The following CCDC178 variants were observed in gnomAD, a reference collection of about 807,000 sequenced individuals.
CCDC178 encodes coiled-coil domain-containing protein 178.
A neutral mutation model predicts 117.4 loss-of-function variants in CCDC178; 126 were observed. The observed-to-expected ratio is 1.07, with a 90% confidence interval of 0.93 to 1.24. The LOEUF is 1.24. Ranked by LOEUF, CCDC178 falls within the 50% of genes most tolerant of loss-of-function variation. The pLI is 0.00. For missense variants in CCDC178, 1,030 were observed against 986.9 expected (o/e 1.04, Z -0.59); for synonymous variants, 283 against 313.4 (o/e 0.90, Z 1.02).
chr18:33,125,375 G>A, intron 20 of CCDC178, among the ~76,000 whole-genome samples: 1 of 152,096 alleles, frequency 6.6e-6, no homozygotes, highest in East Asian at 1.9e-4. Context: ...TAGATTTCCA[G>A]AAGAAGAGTA....
intron 4 of CCDC178, among the ~76,000 whole-genome samples, chr18:33,392,021 G>T (rs898850073): frequency 2.6e-5 from 4 of 151,938 alleles, no homozygotes; most frequent in African/African-American, 7.3e-5. Flanking sequence ...GCGCCACCAT[G>T]CCTGGCTAAT....
chr18:33,334,782 G>A lies in CCDC178; in HGVS notation c.659-1388C>T, dbSNP rs562669497. ...TTTGAAATTGCATATTAAGCCCCAC[G>A]GCCCTATGTATATATTTATTTATTT... On this transcript the variant is annotated intron_variant, in intron 9 of 22. Coordinates refer to ENST00000383096, the MANE Select transcript of CCDC178 (RefSeq NM_001105528.4). 5.3e-5 allele frequency among the ~76,000 whole-genome samples: 8 copies of A among 151,918 alleles called. No individual in the cohort carries two copies. In the South Asian group the frequency reaches 1.2e-3, roughly 24 times the overall value.
chr18:33,214,696 A>G (rs568271141), intron 19 of CCDC178, among the ~76,000 whole-genome samples: 2 of 152,186 alleles, frequency 1.3e-5, no homozygotes, highest in Non-Finnish European at 2.9e-5. Context: ...TTTTTCAGAT[A>G]AAGCTGAATT....
At chr18:33,316,621 T>TCG (rs796623081) in intron 11 of CCDC178, among the ~76,000 whole-genome samples, 17 of 152,270 alleles carry the variant, frequency 1.1e-4, no homozygotes, top group African/African-American at 4.1e-4. Context: ...GCTGGGCTCC[T>TCG]GAGTCTAGTG....
At chr18:33,294,364 T>C (rs1315997634) in intron 11 of CCDC178, among the ~76,000 whole-genome samples, 1 of 152,142 alleles carries the variant, frequency 6.6e-6, no homozygotes, top group Non-Finnish European at 1.5e-5. Flanking sequence ...GACTAGGAGA[T>C]TTATTTGAAA....
At chr18:33,183,992 C>G (rs1360123888) in intron 20 of CCDC178, among the ~76,000 whole-genome samples, 2 of 152,058 alleles carry the variant, frequency 1.3e-5, no homozygotes, top group African/African-American at 4.8e-5. Flanking sequence ...TATGTTTACT[C>G]TAGCCCAGAA....
intron 22 of CCDC178, among the ~76,000 whole-genome samples, chr18:32,968,493 G>T (rs913139375): frequency 9.9e-5 from 15 of 152,028 alleles, no homozygotes; most frequent in African/African-American, 3.6e-4. Flanking sequence ...TTGACACAGT[G>T]GTTTCATTTC....
chr18:33,281,150 A>G (rs939451367), intron 12 of CCDC178, among the ~76,000 whole-genome samples: 1 of 151,782 alleles, frequency 6.6e-6, no homozygotes, highest in African/African-American at 2.4e-5. Context: ...ATAAAATTAA[A>G]ATGGATAGAT....
chr18:33,305,094 T>C (rs2062230040), intron 11 of CCDC178, among the ~76,000 whole-genome samples: 1 of 152,156 alleles, frequency 6.6e-6, no homozygotes, highest in African/African-American at 2.4e-5. Flanking sequence ...ACCCCATCTG[T>C]TGAAGGATTA....
At chr18:33,373,053 C>T (rs1471879134) in intron 5 of CCDC178, among the ~76,000 whole-genome samples, 1 of 152,128 alleles carries the variant, frequency 6.6e-6, no homozygotes, top group Non-Finnish European at 1.5e-5. Flanking sequence ...AATAATTTGT[C>T]CTCCATGCAA....
intron 20 of CCDC178, among the ~76,000 whole-genome samples, chr18:33,195,703 T>G (rs2058922229): frequency 1.3e-5 from 2 of 152,198 alleles, no homozygotes. Context: ...TATCTGCTAT[T>G]ATGATTGATC....
chr18:33,101,159 T>C (rs1165904201), intron 20 of CCDC178, among the ~76,000 whole-genome samples: 1 of 151,704 alleles, frequency 6.6e-6, no homozygotes, highest in East Asian at 1.9e-4. Context: ...TTTTTTCTGA[T>C]ATCAAGAGTG....
chr18:33,022,373 T>C (rs2056139964), intron 21 of CCDC178, among the ~76,000 whole-genome samples: 1 of 152,210 alleles, frequency 6.6e-6, no homozygotes, highest in Non-Finnish European at 1.5e-5. Flanking sequence ...TTGAGTTTTC[T>C]AAATTATATT....
At chr18:32,944,668 A>G (rs1407005989) in intron 22 of CCDC178, among the ~76,000 whole-genome samples, 1 of 152,210 alleles carries the variant, frequency 6.6e-6, no homozygotes, top group African/African-American at 2.4e-5. Context: ...AACTTGAAAC[A>G]AAAATAGCGA....
chr18:33,416,634 T>C (rs967393841), intron 2 of CCDC178, among the ~76,000 whole-genome samples: 2 of 152,076 alleles, frequency 1.3e-5, no homozygotes, highest in East Asian at 1.9e-4. Flanking sequence ...CAGCACCTCA[T>C]GATCATTTGG....
chr18:33,236,123 A>C (rs1439393236), intron 15 of CCDC178, among the ~76,000 whole-genome samples: 1 of 152,212 alleles, frequency 6.6e-6, no homozygotes, highest in Non-Finnish European at 1.5e-5. Context: ...GAGTTTCAAA[A>C]GCCTATTTCT....
At chr18:32,989,688 A>G (rs1412631680) in intron 21 of CCDC178, among the ~76,000 whole-genome samples, 1 of 152,172 alleles carries the variant, frequency 6.6e-6, no homozygotes, top group Non-Finnish European at 1.5e-5. Flanking sequence ...CAAACCATTT[A>G]ATAATATAAA....
chr18:33,150,424 T>C (rs569812818), intron 20 of CCDC178, among the ~76,000 whole-genome samples: 42 of 152,078 alleles, frequency 2.8e-4, no homozygotes, highest in African/African-American at 9.9e-4. Flanking sequence ...CACAGTAAAA[T>C]ACATAATCAA....
chr18:33,116,853 A>T (rs144828865), intron 20 of CCDC178, among the ~76,000 whole-genome samples: 1,211 of 119,220 alleles, frequency 0.01, 11 homozygotes, highest in Middle Eastern at 0.031. Context: ...CCTATATTAT[A>T]TGCAGACATC....
Sources: gnomAD v4.1 joint callset for allele counts (sites outside exome capture counted in the v4.1 genomes callset) on GRCh38, gnomAD v4.1.1 for gene constraint, MANE v1.5 for transcripts, NCBI Gene and HGNC (gene_info 2026-07-23, HGNC 2026-07-21) for gene names.